CMBL: variants seen among roughly 807,000 people sequenced by gnomAD.
CMBL encodes carboxymethylenebutenolidase homolog (Pseudomonas).
In CMBL, 17 loss-of-function variants were observed where a neutral mutation model predicts 28.7. The observed-to-expected ratio is 0.59, with a 90% CI of 0.41 to 0.89. The LOEUF (loss-of-function observed/expected upper bound fraction) is 0.89, where lower values mean the gene tolerates loss of function less well. Among genes scored for constraint, CMBL ranks in the 40% least tolerant of loss-of-function variants. The pLI, the probability that CMBL is intolerant of heterozygous loss-of-function variation, is 0.00. For missense variants in CMBL, 310 were observed against 298.5 expected, an observed-to-expected ratio of 1.04 and a Z score of -0.28; for synonymous variants, 106 against 101.6, an observed-to-expected ratio of 1.04 and a Z score of -0.26.
At chr5:10,285,696 T>TTC (rs113562755) in intron 4 of CMBL, among the ~76,000 whole-genome samples, 44 of 61,426 alleles carry the variant, frequency 7.2e-4, no homozygotes, top group Non-Finnish European at 1.2e-3. Flanking sequence ...TTCTCTTTCT[T>TTC]TTTCTTTTTT....
rs180675597 is a variant in CMBL at position 10,289,840 on chromosome 5, G to C, written c.215+708C>G. On this transcript the variant is annotated intron_variant, in intron 2 of 5. Transcript: ENST00000296658. The surrounding 1 kb of genome is among the most constrained non-coding windows in gnomAD (Gnocchi z 4.3). ...AGAAAAACAAGGTAGGCTCATCCTC[G>C]GGTTTCCAGCTTCTCCTTCTGTGAA... Among the ~76,000 whole-genome samples, 9 of 152,266 alleles carry C rather than the reference G, an allele frequency of 5.9e-5. No individual in the cohort carries two copies. The highest frequency in any genetic ancestry group is 2.2e-4 in the African/African-American group (9 of 41,554).
At chr5:10,286,134 A>G (rs927552054) in intron 4 of CMBL, 1 of 434,158 alleles carries the variant, frequency 2.3e-6, no homozygotes, top group Admixed American at 4.3e-5. Flanking sequence ...CCAAAGTCAC[A>G]CCACTGGGAC....
intron 1 of CMBL, 28 bp from the exon 2 acceptor site, chr5:10,290,809 T>G (rs761526771): frequency 6.6e-7 from 1 of 1,505,746 alleles, no homozygotes; most frequent in East Asian, 2.3e-5. Context: ...TGCGTTATAT[T>G]CTGAATGCTG....
chr5:10,282,600 T>A (rs1037242014), intron 4 of CMBL, among the ~76,000 whole-genome samples: 3 of 151,198 alleles, frequency 2.0e-5, no homozygotes, highest in African/African-American at 7.3e-5. Flanking sequence ...CTGGGTAACA[T>A]CGCAAAACCC....
At chr5:10,282,716 T>C (rs2126539521) in intron 4 of CMBL, among the ~76,000 whole-genome samples, 1 of 152,022 alleles carries the variant, frequency 6.6e-6, no homozygotes, top group Non-Finnish European at 1.5e-5. Flanking sequence ...CCTGGAAAGT[T>C]GAGGCTGCAG....
intron 1 of CMBL, among the ~76,000 whole-genome samples, chr5:10,305,920 G>A (rs180680922): frequency 4.5e-4 from 68 of 152,204 alleles, no homozygotes; most frequent in Admixed American, 1.6e-3. Flanking sequence ...CCTCTCCTGC[G>A]TGTACCTTCA....
intron 1 of CMBL, among the ~76,000 whole-genome samples, chr5:10,291,324 G>A (rs962916190): frequency 6.6e-6 from 1 of 152,182 alleles, no homozygotes. Flanking sequence ...AGGTGTGTGC[G>A]AAGAAACCCA....
intron 1 of CMBL, among the ~76,000 whole-genome samples, chr5:10,300,851 T>G (rs968199403): frequency 1.4e-5 from 2 of 147,618 alleles, no homozygotes; most frequent in Non-Finnish European, 3.0e-5. Context: ...ATATTTATAT[T>G]TTTTATATAT....
rs887606672 is a variant in CMBL at position 10,277,803 on chromosome 5, A to C, written c.*2650T>G. Among the ~76,000 whole-genome samples the C allele has an allele frequency of 6.6e-6, 1 of 152,218 alleles. No individual in the cohort carries two copies. The highest frequency in any genetic ancestry group is 2.4e-5 in the African/African-American group (1 of 41,462). On this transcript the variant is annotated 3_prime_UTR_variant, in exon 6 of 6. Transcript: ENST00000296658. ...TTCAGAACACCATGACATTTGACCA[A>C]AGGACTCAGCAGAGGGAAGGCTGCC...
At chr5:10,286,588 C>G (rs931028118) in intron 3 of CMBL, 92 bp from the exon 4 acceptor site, 1 of 1,225,660 alleles carries the variant, frequency 8.2e-7, no homozygotes, top group East Asian at 2.7e-5. Flanking sequence ...GTATCAGCAA[C>G]TGTTTTTGAA....
At position 10,302,913 on chromosome 5, in the gene CMBL, G is replaced by T. The variant is rs536225811; in HGVS notation, c.-20+4712C>A. Among the ~76,000 whole-genome samples, 6 of 152,264 alleles carry T rather than the reference G, an allele frequency of 3.9e-5. No homozygotes were observed. The South Asian group carries it at 1.2e-3, about 32-fold the overall frequency. ...TGTAGAGAATCCCCTTCCCTTTCCA[G>T]GTCTCTTTCTGATCCTGAAAAGATT... is the stretch of plus-strand genomic sequence containing the variant. On this transcript the variant is annotated intron_variant, in intron 1 of 5. Coordinates refer to ENST00000296658, the MANE Select transcript of CMBL (RefSeq NM_138809.4).
intron 3 of CMBL, 67 bp from the exon 4 acceptor site, chr5:10,286,563 G>A: frequency 6.8e-7 from 1 of 1,461,352 alleles, no homozygotes; most frequent in South Asian, 1.3e-5. Context: ...GAGCTGTGCT[G>A]ATGATAACAG....
At chr5:10,293,327 G>A (rs1424333079) in intron 1 of CMBL, among the ~76,000 whole-genome samples, 1 of 152,232 alleles carries the variant, frequency 6.6e-6, no homozygotes, top group Non-Finnish European at 1.5e-5. Context: ...CGCAGTTCAA[G>A]GGACTGGCAG....
chr5:10,283,956 A>C (rs1197421157), intron 4 of CMBL, among the ~76,000 whole-genome samples: 1 of 152,240 alleles, frequency 6.6e-6, no homozygotes, highest in East Asian at 1.9e-4. Context: ...CGTAAATAAC[A>C]TAACTTTTTT....
chr5:10,306,906 T>A (rs7723296), intron 1 of CMBL, among the ~76,000 whole-genome samples: 77,559 of 151,514 alleles, frequency 0.51, 21,242 homozygotes, highest in Non-Finnish European at 0.63. Flanking sequence ...TGGACAGGAT[T>A]CCCCGGATAC....
chr5:10,281,939 C>T (rs1331133774), intron 5 of CMBL, among the ~76,000 whole-genome samples: 1 of 152,110 alleles, frequency 6.6e-6, no homozygotes, highest in Non-Finnish European at 1.5e-5. Flanking sequence ...GCAGGCAGAT[C>T]ACCTGAAGTC....
rs375397758 is a variant in CMBL, at chr5:10,285,958, C to A, written c.466+396G>T. Among the ~76,000 whole-genome samples the A allele has an allele frequency of 5.3e-5, 8 of 152,152 alleles. No individual in the cohort carries two copies. In the South Asian group the frequency reaches 8.3e-4, roughly 16 times the overall value. ...AAGTGATCTGCCTGCCTAAGCCTCC[C>A]AAAGTGTTGGGATTACAGGCATTAG... On this transcript the variant is annotated intron_variant, in intron 4 of 5. Transcript: ENST00000296658.
intron 1 of CMBL, among the ~76,000 whole-genome samples, chr5:10,294,014 C>T (rs1204543844): frequency 5.3e-5 from 8 of 152,042 alleles, no homozygotes; most frequent in Non-Finnish European, 7.4e-5. Context: ...GCAAAGGAGG[C>T]GAGGGGTGGT....
At chr5:10,305,862 C>A (rs750835019) in intron 1 of CMBL, among the ~76,000 whole-genome samples, 35 of 152,180 alleles carry the variant, frequency 2.3e-4, no homozygotes, top group Non-Finnish European at 4.9e-4. Context: ...AGCCACTGTG[C>A]CCAATCTTAC....
Sources: allele counts gnomAD v4.1 joint callset (sites outside exome capture counted in the v4.1 genomes callset), GRCh38; gene constraint gnomAD v4.1.1; non-coding constraint Gnocchi (gnomAD v3.1); transcripts MANE v1.5; gene names NCBI Gene and HGNC (gene_info 2026-07-23, HGNC 2026-07-21).